The following NSMAF variants were observed in gnomAD, a reference collection of about 807,000 sequenced individuals.
The protein encoded by NSMAF is neutral sphingomyelinase activation associated factor.
Under a neutral mutation model 134.9 loss-of-function variants are expected in NSMAF, and 90 were observed. That is an observed-to-expected ratio of 0.67 (90% CI 0.56 to 0.79). The LOEUF is 0.79. Among genes scored for constraint, NSMAF ranks in the 30% least tolerant of loss-of-function variants. NSMAF has a pLI of 0.00. For missense variants in NSMAF, 1,010 were observed against 1,119.0 expected (o/e 0.90, Z 1.39); for synonymous variants, 358 against 389.6 (o/e 0.92, Z 0.96).
At chr8:58,627,153 G>T (rs1806952031) in intron 6 of NSMAF, among the ~76,000 whole-genome samples, 1 of 152,190 alleles carries the variant, frequency 6.6e-6, no homozygotes, top group Non-Finnish European at 1.5e-5. Context: ...CTCCCACTCT[G>T]TGGGTTGTCT....
chr8:58,656,065 C>T (rs1807702675), intron 1 of NSMAF, among the ~76,000 whole-genome samples: 1 of 151,942 alleles, frequency 6.6e-6, no homozygotes, highest in Non-Finnish European at 1.5e-5. Flanking sequence ...GTCGCCCAGG[C>T]TGGAGTGCAA....
At chr8:58,637,137 T>G in intron 2 of NSMAF, 1 of 325,958 alleles carries the variant, frequency 3.1e-6, no homozygotes, top group South Asian at 2.5e-5. Context: ...TCTTTTCTGA[T>G]GCTTACATTG....
At chr8:58,642,835 C>A in intron 2 of NSMAF, 149 bp downstream of exon 2, 1 of 658,008 alleles carries the variant, frequency 1.5e-6, no homozygotes, top group Non-Finnish European at 2.7e-6. Flanking sequence ...GGTTATAATC[C>A]TCAATAAAAG....
chr8:58,634,538 G>T (rs1807126071), intron 5 of NSMAF, among the ~76,000 whole-genome samples: 1 of 152,154 alleles, frequency 6.6e-6, no homozygotes, highest in Non-Finnish European at 1.5e-5. Flanking sequence ...CAAGGAACGA[G>T]AGCTGTCAAG....
chr8:58,659,119 G>T, intron 1 of NSMAF: 1 of 1,217,190 alleles, frequency 8.2e-7, no homozygotes, highest in Non-Finnish European at 1.1e-6. Flanking sequence ...CCAACTCTGC[G>T]GCGCCGGCGC....
chr8:58,612,867 C>T (rs961929092), intron 9 of NSMAF, among the ~76,000 whole-genome samples: 1 of 152,064 alleles, frequency 6.6e-6, no homozygotes, highest in South Asian at 2.1e-4. Context: ...AAAACCACAT[C>T]GTATATAGGG....
At chr8:58,639,559 A>T (rs1438081009) in intron 2 of NSMAF, among the ~76,000 whole-genome samples, 1 of 152,168 alleles carries the variant, frequency 6.6e-6, no homozygotes, top group East Asian at 1.9e-4. Context: ...TTCTCAAAAA[A>T]CTAAAAATAG....
At chr8:58,651,561 A>G (rs1807582285) in intron 1 of NSMAF, among the ~76,000 whole-genome samples, 1 of 152,232 alleles carries the variant, frequency 6.6e-6, no homozygotes, top group Non-Finnish European at 1.5e-5. Context: ...AGTCCCAGCA[A>G]TTTATGAGAA....
chr8:58,602,875 A>G (rs563342529), intron 13 of NSMAF, among the ~76,000 whole-genome samples: 4 of 152,324 alleles, frequency 2.6e-5, no homozygotes, highest in African/African-American at 7.2e-5. Context: ...TAAAAATAAT[A>G]TAAGGTGAGT....
At chr8:58,594,563 A>G in intron 22 of NSMAF, 1 of 429,774 alleles carries the variant, frequency 2.3e-6, no homozygotes, top group South Asian at 4.5e-5. Flanking sequence ...ATTTCTGGCA[A>G]TTGGAAAACT....
chr8:58,599,666 A>G (rs901822339), intron 18 of NSMAF, 84 bp downstream of exon 18: 66 of 1,460,210 alleles, frequency 4.5e-5, no homozygotes, highest in Non-Finnish European at 6.0e-5. Flanking sequence ...TGATTTTTAA[A>G]AATCTAAGCA....
At chr8:58,588,884 T>C in intron 26 of NSMAF, 1 of 671,564 alleles carries the variant, frequency 1.5e-6, no homozygotes, top group African/African-American at 1.8e-5. Context: ...CTAACTCTGC[T>C]ATTGAATGAA....
intron 9 of NSMAF, among the ~76,000 whole-genome samples, chr8:58,620,098 T>C (rs1806750247): frequency 6.6e-6 from 1 of 152,062 alleles, no homozygotes; most frequent in African/African-American, 2.4e-5. Context: ...TTGCACAAAA[T>C]GTATACTTAA....
intron 2 of NSMAF, among the ~76,000 whole-genome samples, chr8:58,636,578 G>C (rs1177628636): frequency 4.6e-5 from 7 of 152,128 alleles, no homozygotes; most frequent in African/African-American, 1.4e-4. Context: ...CTAGATCAAG[G>C]GCTGGTAAAC....
intron 10 of NSMAF, among the ~76,000 whole-genome samples, chr8:58,609,321 C>T (rs1372266840): frequency 6.6e-6 from 1 of 152,206 alleles, no homozygotes; most frequent in Non-Finnish European, 1.5e-5. Context: ...AAATCTCTAG[C>T]GACCCTTTAC....
chr8:58,590,016 T>C lies in NSMAF; in HGVS notation c.2078A>G (p.Asp693Gly). 6.2e-7 allele frequency: 1 copy of C among 1,613,508 alleles called. No individual in the cohort carries two copies. The highest frequency in any genetic ancestry group is 8.5e-7 in the Non-Finnish European group (1 of 1,179,442). The change falls in exon 25 of 31, where the codon GAT becomes GGT. Residue 693 changes from aspartate to glycine, a missense_variant. By Grantham distance (94) the Asp-to-Gly change is moderately conservative. Transcript: ENST00000038176. Reference protein sequence around the residue: ...GDATVITSSWDNNVYFYSIAF... With the variant: ...GDATVITSSWGNNVYFYSIAF... ...GTGCACAGATACATACACATTATTA[T>C]CCCATGAAGAAGTTATGACAGTGGC...
At chr8:58,654,606 T>C (rs1057230892) in intron 1 of NSMAF, among the ~76,000 whole-genome samples, 2 of 152,136 alleles carry the variant, frequency 1.3e-5, no homozygotes, top group Non-Finnish European at 2.9e-5. Flanking sequence ...TATTATACAC[T>C]CATGGAATGT....
At chr8:58,618,043 C>T (rs1302770735) in intron 9 of NSMAF, among the ~76,000 whole-genome samples, 1 of 152,178 alleles carries the variant, frequency 6.6e-6, no homozygotes, top group Non-Finnish European at 1.5e-5. Context: ...CCATCATTCT[C>T]AGCAAACTAT....
intron 26 of NSMAF, 67 bp from the exon 27 acceptor site, chr8:58,587,768 C>T: frequency 5.2e-6 from 7 of 1,333,706 alleles, no homozygotes; most frequent in Non-Finnish European, 7.4e-6. Flanking sequence ...CTAGTGCATT[C>T]AAGAAAAACT....
Sources: gnomAD v4.1 joint callset for allele counts (sites outside exome capture counted in the v4.1 genomes callset) on GRCh38, gnomAD v4.1.1 for gene constraint, MANE v1.5 for transcripts, NCBI Gene and HGNC (gene_info 2026-07-23, HGNC 2026-07-21) for gene names.